Variants in RANBP2 observed in about 807,000 individuals in gnomAD.
RANBP2 encodes the protein RAN binding protein 2, also known as E3 SUMO-protein ligase RanBP2.
In RANBP2, 57 loss-of-function variants were observed where a neutral mutation model predicts 303.6. The ratio of observed to expected loss-of-function variants is 0.19; its 90% CI spans 0.15 to 0.23. RANBP2 has a LOEUF of 0.23. Ranked by LOEUF, RANBP2 falls within the 10% of genes least tolerant of loss-of-function variation. RANBP2 has a pLI of 1.00. For missense variants in RANBP2, 3,138 were observed against 3,780.8 expected (o/e 0.83, Z 4.46); for synonymous variants, 1,167 against 1,301.5 (o/e 0.90, Z 2.23).
chr2:108,910,884 C>G, the RANBP2 span: 16 of 1,613,966 alleles, frequency 9.9e-6, no homozygotes, highest in Non-Finnish European at 1.2e-5. Context: ...CAGCCAGGCT[C>G]TCCGACAGGG....
At chr2:109,436,327 T>C in the RANBP2 span, among the ~76,000 whole-genome samples, 2 of 152,194 alleles carry the variant, frequency 1.3e-5, no homozygotes, top group Non-Finnish European at 2.9e-5. Context: ...AGTGTTCCTC[T>C]TGTGTGAGCT....
chr2:108,732,526 A>G (rs1041714214), intron 4 of RANBP2, among the ~76,000 whole-genome samples: 3 of 152,192 alleles, frequency 2.0e-5, no homozygotes, highest in Non-Finnish European at 2.9e-5. Context: ...GGGATACTCA[A>G]CCTGTTTAAC....
At chr2:109,351,802 G>T in the RANBP2 span, among the ~76,000 whole-genome samples, 1 of 152,216 alleles carries the variant, frequency 6.6e-6, no homozygotes, top group African/African-American at 2.4e-5. Context: ...CCACTGTGCT[G>T]TCCTAACCCT....
At chr2:109,038,489 C>T in the RANBP2 span, among the ~76,000 whole-genome samples, 19 of 151,996 alleles carry the variant, frequency 1.3e-4, no homozygotes, top group Admixed American at 7.9e-4. Context: ...AAAAACTAGC[C>T]AGTCATAACC....
At chr2:109,297,939 C>A in the RANBP2 span, among the ~76,000 whole-genome samples, 1 of 152,104 alleles carries the variant, frequency 6.6e-6, no homozygotes, top group African/African-American at 2.4e-5. Context: ...GTTCCCCCCC[C>A]ACCACCAGAC....
chr2:109,316,967 T>C, the RANBP2 span, among the ~76,000 whole-genome samples: 1 of 152,166 alleles, frequency 6.6e-6, no homozygotes, highest in Non-Finnish European at 1.5e-5. Flanking sequence ...CCATGTCTTT[T>C]CATGGCTTCA....
the RANBP2 span, among the ~76,000 whole-genome samples, chr2:109,192,137 A>G: frequency 6.6e-6 from 1 of 152,110 alleles, no homozygotes. Flanking sequence ...CACGGTACCC[A>G]ATATTGGTTC....
At chr2:109,590,091 T>TAC in the RANBP2 span, among the ~76,000 whole-genome samples, 40 of 148,410 alleles carry the variant, frequency 2.7e-4, no homozygotes, top group Non-Finnish European at 4.0e-4. Flanking sequence ...TGTATATATA[T>TAC]ACACACATAT....
the RANBP2 span, among the ~76,000 whole-genome samples, chr2:109,599,045 A>C: frequency 8.5e-5 from 13 of 152,204 alleles, no homozygotes; most frequent in African/African-American, 3.1e-4. Context: ...AGTTAAAATA[A>C]AGTTACAGGT....
chr2:109,549,219 G>A, the RANBP2 span, among the ~76,000 whole-genome samples: 1 of 152,168 alleles, frequency 6.6e-6, no homozygotes, highest in East Asian at 1.9e-4. Flanking sequence ...GAGCAGGAGT[G>A]GGACAAAGTC....
intron 20 of RANBP2, chr2:108,769,142 ATATG>A (rs1387892355): frequency 2.2e-6 from 2 of 899,102 alleles, no homozygotes; most frequent in Non-Finnish European, 2.7e-6. Flanking sequence ...GGATAAATGA[ATATG>A]TAAGACAATC....
chr2:109,604,724 G>A, the RANBP2 span: 1 of 152,314 alleles, frequency 6.6e-6, no homozygotes, highest in Admixed American at 6.6e-5. Flanking sequence ...TCTGGGGAGG[G>A]GAGGGGAGGG....
chr2:109,335,111 C>T, the RANBP2 span, among the ~76,000 whole-genome samples: 1 of 152,230 alleles, frequency 6.6e-6, no homozygotes, highest in East Asian at 1.9e-4. Context: ...CAAAACCGAA[C>T]ATTTCGTGTT....
the RANBP2 span, among the ~76,000 whole-genome samples, chr2:109,319,899 C>T: frequency 3.3e-5 from 5 of 152,208 alleles, no homozygotes; most frequent in African/African-American, 9.6e-5. Flanking sequence ...AGAAATCCCC[C>T]GGTGGTTACA....
At chr2:109,043,566 C>T in the RANBP2 span, among the ~76,000 whole-genome samples, 1 of 152,124 alleles carries the variant, frequency 6.6e-6, no homozygotes, top group Non-Finnish European at 1.5e-5. Context: ...AACTCCTGAC[C>T]TCAGGAGAGC....
chr2:108,979,818 C>T, the RANBP2 span, among the ~76,000 whole-genome samples: 1 of 152,298 alleles, frequency 6.6e-6, no homozygotes, highest in African/African-American at 2.4e-5. Flanking sequence ...GGCCATCTGA[C>T]ATGACATGCT....
At chr2:109,709,890 C>A in the RANBP2 span, among the ~76,000 whole-genome samples, 1 of 148,852 alleles carries the variant, frequency 6.7e-6, no homozygotes, top group Non-Finnish European at 1.5e-5. Context: ...GAGTTTGAGT[C>A]CAGCCTGACC....
At chr2:109,527,481 A>C in the RANBP2 span, among the ~76,000 whole-genome samples, 1 of 152,222 alleles carries the variant, frequency 6.6e-6, no homozygotes, top group Non-Finnish European at 1.5e-5. Context: ...CTGGGGAGCC[A>C]CCATGGACTG....
the RANBP2 span, among the ~76,000 whole-genome samples, chr2:109,625,087 C>CAAAAAAAAAAAAA: frequency 2.3e-4 from 14 of 60,064 alleles, no homozygotes; most frequent in African/African-American, 2.9e-4. Context: ...ACAACAACAA[C>CAAAAAAAAAAAAA]AAAAAAAAAA....
Sources: allele counts gnomAD v4.1 joint callset (sites outside exome capture counted in the v4.1 genomes callset), GRCh38; gene constraint gnomAD v4.1.1; transcripts MANE v1.5; gene names NCBI Gene and HGNC (gene_info 2026-07-23, HGNC 2026-07-21).